The following PLCL2 variants were observed in gnomAD, a reference collection of about 807,000 sequenced individuals.
PLCL2 encodes inactive phospholipase C-like protein 2.
In PLCL2, 4 loss-of-function variants were observed where a neutral mutation model predicts 79.6. The observed-to-expected ratio is 0.05, with a 90% CI of 0.02 to 0.11. The LOEUF (loss-of-function observed/expected upper bound fraction) is 0.11, where lower values mean the gene tolerates loss of function less well. Ranked by LOEUF, PLCL2 falls within the 10% of genes least tolerant of loss-of-function variation. PLCL2 has a pLI of 1.00. For missense variants in PLCL2, 895 were observed against 1,291.0 expected, an observed-to-expected ratio of 0.69 and a Z score of 4.70; for synonymous variants, 484 against 457.7, an observed-to-expected ratio of 1.06 and a Z score of -0.73.
chr3:17,027,725 C>A (rs984319077), intron 3 of PLCL2, among the ~76,000 whole-genome samples: 3 of 152,052 alleles, frequency 2.0e-5, no homozygotes, highest in African/African-American at 4.8e-5. Context: ...GGATTCTAAT[C>A]GTTAACCTGG....
chr3:16,940,263 T>C (rs1697647196), intron 1 of PLCL2, among the ~76,000 whole-genome samples: 2 of 152,208 alleles, frequency 1.3e-5, no homozygotes, highest in South Asian at 2.1e-4. Flanking sequence ...TTGCAGCCTC[T>C]GAACCTGTTC....
At chr3:17,015,411 G>A (rs1044703410) in intron 3 of PLCL2, among the ~76,000 whole-genome samples, 1 of 152,142 alleles carries the variant, frequency 6.6e-6, no homozygotes, top group African/African-American at 2.4e-5. Context: ...TTTGTAATGA[G>A]CTTAACACTA....
intron 1 of PLCL2, among the ~76,000 whole-genome samples, chr3:16,896,288 T>C (rs1428781449): frequency 6.6e-6 from 1 of 152,030 alleles, no homozygotes; most frequent in Non-Finnish European, 1.5e-5. Context: ...CCTGCACTAG[T>C]TGATGGCCTG....
chr3:16,965,414 G>A (rs1399527392), intron 1 of PLCL2, among the ~76,000 whole-genome samples: 1 of 152,066 alleles, frequency 6.6e-6, no homozygotes, highest in East Asian at 1.9e-4. Flanking sequence ...TGCTGTTTTG[G>A]TTACTGTAGC....
chr3:16,961,394 G>A (rs553476424), intron 1 of PLCL2, among the ~76,000 whole-genome samples: 4 of 152,346 alleles, frequency 2.6e-5, no homozygotes, highest in East Asian at 1.9e-4. Flanking sequence ...TTAGTCTACC[G>A]ATAGAGACTG....
intron 1 of PLCL2, among the ~76,000 whole-genome samples, chr3:16,982,959 ATCTGTTATCTACCAT>A (rs1246134997): frequency 1.3e-5 from 2 of 152,188 alleles, no homozygotes; most frequent in Admixed American, 6.5e-5. Context: ...GTAAATACTA[ATCTGTTATCTACCAT>A]TAGTGGGCTT....
At chr3:16,967,887 T>C (rs9850965) in intron 1 of PLCL2, among the ~76,000 whole-genome samples, 158 of 152,274 alleles carry the variant, frequency 1.0e-3, no homozygotes, top group African/African-American at 3.7e-3. Flanking sequence ...AGAATTTTTA[T>C]AGTTTTAGGT....
At chr3:16,992,045 T>C (rs1029806197) in intron 1 of PLCL2, among the ~76,000 whole-genome samples, 5 of 152,202 alleles carry the variant, frequency 3.3e-5, no homozygotes, top group African/African-American at 1.2e-4. Context: ...AAGAGTTGAA[T>C]TTTCAGATGA....
At chr3:17,042,331 AC>A (rs1349131951) in intron 3 of PLCL2, among the ~76,000 whole-genome samples, 1 of 152,190 alleles carries the variant, frequency 6.6e-6, no homozygotes, top group East Asian at 1.9e-4. Flanking sequence ...CATTTTAAAA[AC>A]CATTAATAGG....
chr3:17,053,181 G>A (rs181918658), intron 4 of PLCL2, among the ~76,000 whole-genome samples: 1 of 152,316 alleles, frequency 6.6e-6, no homozygotes, highest in Non-Finnish European at 1.5e-5. Context: ...TTGGCTCATG[G>A]TTCCACAGGC....
intron 1 of PLCL2, among the ~76,000 whole-genome samples, chr3:16,928,261 G>A (rs933270279): frequency 4.6e-5 from 7 of 152,176 alleles, no homozygotes; most frequent in Admixed American, 2.6e-4. Flanking sequence ...CTCAGAATGG[G>A]CACTTCATTC....
chr3:17,082,892 A>T (rs4618210), intron 5 of PLCL2, among the ~76,000 whole-genome samples: 1 of 151,890 alleles, frequency 6.6e-6, no homozygotes. Context: ...ATATAATGCC[A>T]AGAAAAAGAC....
At chr3:17,036,034 T>G (rs893246641) in intron 3 of PLCL2, among the ~76,000 whole-genome samples, 1 of 152,184 alleles carries the variant, frequency 6.6e-6, no homozygotes, top group Non-Finnish European at 1.5e-5. Flanking sequence ...ATAAGAAACC[T>G]AGGACAAGTT....
At chr3:17,021,090 A>G (rs2064446216) in intron 3 of PLCL2, among the ~76,000 whole-genome samples, 13 of 152,184 alleles carry the variant, frequency 8.5e-5, no homozygotes, top group Admixed American at 8.5e-4. Context: ...CGACACTACC[A>G]ACTTTTATAA....
intron 5 of PLCL2, among the ~76,000 whole-genome samples, chr3:17,069,346 G>T (rs1197635256): frequency 6.6e-6 from 1 of 152,170 alleles, no homozygotes; most frequent in Non-Finnish European, 1.5e-5. Flanking sequence ...TGTAGTTGTG[G>T]TGTTTAATTT....
At chr3:16,936,443 C>T (rs1407524795) in intron 1 of PLCL2, among the ~76,000 whole-genome samples, 2 of 152,076 alleles carry the variant, frequency 1.3e-5, no homozygotes, top group African/African-American at 4.8e-5. Context: ...GGCTTTCAGG[C>T]CACCCAGAGT....
At chr3:16,916,834 A>G (rs1318713749) in intron 1 of PLCL2, among the ~76,000 whole-genome samples, 1 of 152,176 alleles carries the variant, frequency 6.6e-6, no homozygotes, top group African/African-American at 2.4e-5. Flanking sequence ...TCAAGGCTGT[A>G]TGGTTACTTA....
In PLCL2 at chr3:17,002,921, T is replaced by G. The variant is rs903194867; in HGVS notation, c.328-6753T>G. On this transcript the variant is annotated intron_variant, in intron 1 of 5. Coordinates refer to ENST00000615277, the MANE Select transcript of PLCL2 (RefSeq NM_001144382.2). ...GGAATTCATCATCTCTGATGTGGGTTTTTTTTTTAACAGTATTTCCTTTGG... is the reference window on the plus strand; with the variant it reads ...GGAATTCATCATCTCTGATGTGGGTGTTTTTTTTAACAGTATTTCCTTTGG... Among the ~76,000 whole-genome samples, 10 of 151,228 alleles carry G rather than the reference T, an allele frequency of 6.6e-5. 1 individual carries two copies. Among genetic ancestry groups the G allele is most frequent in the South Asian group, 4.2e-4 (2 of 4,786 alleles).
At chr3:16,970,622 C>T (rs1338351806) in intron 1 of PLCL2, among the ~76,000 whole-genome samples, 5 of 148,794 alleles carry the variant, frequency 3.4e-5, no homozygotes, top group East Asian at 2.0e-4. Context: ...TTCTAGATCC[C>T]TGAGGAATCG....
Sources: gnomAD v4.1 joint callset for allele counts (sites outside exome capture counted in the v4.1 genomes callset) on GRCh38, gnomAD v4.1.1 for gene constraint, MANE v1.5 for transcripts, NCBI Gene and HGNC (gene_info 2026-07-23, HGNC 2026-07-21) for gene names.